CRACD: variants seen among roughly 807,000 people sequenced by gnomAD.
The protein encoded by CRACD is capping protein inhibiting regulator of actin dynamics, also known as capping protein-inhibiting regulator of actin dynamics.
Under a neutral mutation model 106.8 loss-of-function variants are expected in CRACD, and 56 were observed. The ratio of observed to expected loss-of-function variants is 0.52; its 90% CI spans 0.42 to 0.66. The LOEUF (loss-of-function observed/expected upper bound fraction) is 0.66. Among genes scored for constraint, CRACD ranks in the 30% least tolerant of loss-of-function variants. The pLI is 0.00. For missense variants in CRACD, 1,730 were observed against 1,623.2 expected (o/e 1.07, Z -1.13); for synonymous variants, 754 against 670.8 (o/e 1.12, Z -1.92).
At chr4:56,191,367 G>A (rs1057362015) in intron 2 of CRACD, among the ~76,000 whole-genome samples, 1 of 151,774 alleles carries the variant, frequency 6.6e-6, no homozygotes, top group Non-Finnish European at 1.5e-5. Flanking sequence ...GCATCTTCCA[G>A]TCTTCCTCTC....
intron 1 of CRACD, among the ~76,000 whole-genome samples, chr4:56,061,591 C>G (rs1214984703): frequency 3.3e-5 from 5 of 152,074 alleles, no homozygotes; most frequent in Non-Finnish European, 5.9e-5. Flanking sequence ...TATTGAGATA[C>G]AGACAGGATC....
intron 2 of CRACD, among the ~76,000 whole-genome samples, chr4:56,221,629 A>C (rs2109514045): frequency 6.6e-6 from 1 of 152,286 alleles, no homozygotes; most frequent in East Asian, 1.9e-4. Flanking sequence ...TCATATTCAG[A>C]ATCTGCAAGG....
intron 2 of CRACD, among the ~76,000 whole-genome samples, chr4:56,250,909 C>T (rs1197511887): frequency 6.6e-6 from 1 of 152,198 alleles, no homozygotes; most frequent in Non-Finnish European, 1.5e-5. Context: ...TTCGAAATAA[C>T]TGTTCTCAGT....
chr4:56,287,196 C>T (rs748297943), intron 3 of CRACD, among the ~76,000 whole-genome samples: 1 of 152,196 alleles, frequency 6.6e-6, no homozygotes, highest in Non-Finnish European at 1.5e-5. Flanking sequence ...GTGATCATAA[C>T]TCACTGCAGC....
intron 2 of CRACD, among the ~76,000 whole-genome samples, chr4:56,247,004 G>C (rs1049937612): frequency 2.0e-5 from 3 of 152,158 alleles, no homozygotes; most frequent in Non-Finnish European, 4.4e-5. Flanking sequence ...ATTCATAGTT[G>C]GCCCTCTGTA....
At chr4:56,227,889 CT>C (rs1560492303) in intron 2 of CRACD, among the ~76,000 whole-genome samples, 1 of 152,160 alleles carries the variant, frequency 6.6e-6, no homozygotes. Context: ...TATTCTCTTT[CT>C]TTTTTTCTTT....
At chr4:56,170,744 C>T (rs552508636) in intron 1 of CRACD, among the ~76,000 whole-genome samples, 7 of 152,120 alleles carry the variant, frequency 4.6e-5, no homozygotes, top group East Asian at 3.9e-4. Flanking sequence ...GAGGCTGAGG[C>T]GGGAGGATCG....
chr4:56,214,230 G>A (rs1738543164), intron 2 of CRACD, among the ~76,000 whole-genome samples: 1 of 151,998 alleles, frequency 6.6e-6, no homozygotes, highest in Non-Finnish European at 1.5e-5. Flanking sequence ...TAATGAAAGG[G>A]GTGAGAGGGC....
intron 1 of CRACD, among the ~76,000 whole-genome samples, chr4:56,058,183 C>T (rs1222418136): frequency 6.6e-6 from 1 of 152,150 alleles, no homozygotes; most frequent in East Asian, 1.9e-4. Context: ...GATTCTCCTG[C>T]CTCAGCCTCC....
Position 56,314,360 on chromosome 4 carries a change from G to A in CRACD, c.858G>A (p.Ala286=), listed in dbSNP as rs1024424470. 1.2e-5 allele frequency: 19 copies of A among 1,548,372 alleles called. No individual in the cohort carries two copies. The African/African-American group carries it at 2.2e-4, about 18-fold the overall frequency. Residue 286 remains alanine, a synonymous_variant, in exon 8 of 11, where the codon GCG becomes GCA. Transcript: ENST00000682029. This position sits in a 1 kb window ranked among gnomAD's most constrained non-coding sequence, Gnocchi z 4.4. ...AGCCGCCTCTAGAGGCGGAAAGGGCGCCGCGGGAAGAGCAGCAGCGGAGCC... is the reference window on the plus strand; with the variant it reads ...AGCCGCCTCTAGAGGCGGAAAGGGCACCGCGGGAAGAGCAGCAGCGGAGCC... ...GQEPPLEAER[A]PREEQQRSLE... is the part of the protein sequence containing the mutation.
chr4:56,114,510 G>A (rs1002896098), intron 1 of CRACD, among the ~76,000 whole-genome samples: 1 of 151,952 alleles, frequency 6.6e-6, no homozygotes, highest in African/African-American at 2.4e-5. Flanking sequence ...AGGAAGACAT[G>A]GACAAAGTAG....
chr4:56,184,374 A>G (rs1736996227), intron 2 of CRACD, among the ~76,000 whole-genome samples: 1 of 152,088 alleles, frequency 6.6e-6, no homozygotes, highest in Non-Finnish European at 1.5e-5. Context: ...CCTGGCCAAC[A>G]TTTATTTTCT....
chr4:56,248,477 C>T (rs958476262), intron 2 of CRACD, among the ~76,000 whole-genome samples: 5 of 151,242 alleles, frequency 3.3e-5, no homozygotes, highest in African/African-American at 7.3e-5. Context: ...AATTAAGATG[C>T]CATCAAGGCT....
intron 7 of CRACD, 139 bp downstream of exon 7, chr4:56,313,518 T>C (rs900501961): frequency 6.8e-6 from 5 of 731,946 alleles, no homozygotes; most frequent in Non-Finnish European, 1.1e-5. Flanking sequence ...TGTGGCGGTG[T>C]TGGGGAATAC....
At chr4:56,123,023 A>G (rs1431477542) in intron 1 of CRACD, among the ~76,000 whole-genome samples, 1 of 152,252 alleles carries the variant, frequency 6.6e-6, no homozygotes, top group Non-Finnish European at 1.5e-5. Context: ...AATTTTAGGA[A>G]ATCTGGAATG....
chr4:56,250,169 CT>C (rs1740967170), intron 2 of CRACD, among the ~76,000 whole-genome samples: 1 of 151,710 alleles, frequency 6.6e-6, no homozygotes, highest in South Asian at 2.1e-4. Flanking sequence ...CACTATTCTC[CT>C]TTCCCTTCTT....
At chr4:56,279,790 T>A (rs544546528) in intron 3 of CRACD, among the ~76,000 whole-genome samples, 207 of 152,216 alleles carry the variant, frequency 1.4e-3, no homozygotes, top group African/African-American at 4.8e-3. Flanking sequence ...ATCCCATTAC[T>A]GGGTATATAC....
chr4:56,155,572 A>G (rs1234401063), intron 1 of CRACD, among the ~76,000 whole-genome samples: 1 of 152,192 alleles, frequency 6.6e-6, no homozygotes, highest in Non-Finnish European at 1.5e-5. Context: ...CCCCATAACT[A>G]TCCTATCAGG....
chr4:56,172,067 A>G (rs1269847862), intron 1 of CRACD, among the ~76,000 whole-genome samples: 1 of 135,334 alleles, frequency 7.4e-6, no homozygotes, highest in African/African-American at 2.8e-5. Flanking sequence ...AATCTAGCCA[A>G]GGCTGGAAAT....
Sources: allele counts gnomAD v4.1 joint callset (sites outside exome capture counted in the v4.1 genomes callset), GRCh38; gene constraint gnomAD v4.1.1; non-coding constraint Gnocchi (gnomAD v3.1); transcripts MANE v1.5; gene names NCBI Gene and HGNC (gene_info 2026-07-23, HGNC 2026-07-21).